Variants in TBC1D14 observed in about 807,000 individuals in gnomAD.
TBC1D14 encodes the protein TBC1 domain family member 14.
A neutral mutation model predicts 79.0 loss-of-function variants in TBC1D14; 26 were observed. That is an observed-to-expected ratio of 0.33 (90% CI 0.24 to 0.46). The LOEUF is 0.46. TBC1D14 is among the 20% of genes least tolerant of loss of function. The probability of loss-of-function intolerance (pLI) is 1.00; values close to 1 mark genes in which losing one functional copy is unlikely to be tolerated. For synonymous variants in TBC1D14, 394 were observed against 349.9 expected (o/e 1.13, Z -1.40); for missense variants, 769 against 887.6 (o/e 0.87, Z 1.70).
chr4:7,029,750 G>A (rs555783536), intron 13 of TBC1D14, among the ~76,000 whole-genome samples: 6 of 152,304 alleles, frequency 3.9e-5, no homozygotes, highest in Non-Finnish European at 5.9e-5. Context: ...TCTTGAACCC[G>A]GGGGTCAGAG....
At position 6,954,222 on chromosome 4, in the gene TBC1D14, C is replaced by G. The variant is rs1577079611; in HGVS notation, c.723-13082C>G. 4.2e-6 allele frequency: 3 copies of G among 711,924 alleles called. No individual in the cohort carries two copies. In the African/African-American group the frequency reaches 5.2e-5, roughly 12 times the overall value. The allele number at this position is 711,924 out of a possible 1,614,324, so 44.1% of individuals were successfully genotyped here. A position where few individuals can be genotyped will look rare whatever the true frequency, so the allele number is the denominator to read the frequency against. Reference sequence around the variant, plus strand: ...ATGGAGTTTCCCCGGGACTGTGGCTCTGGCGTGCCAGGAATGCGGCACGGG... The same window carrying G: ...ATGGAGTTTCCCCGGGACTGTGGCTGTGGCGTGCCAGGAATGCGGCACGGG... On this transcript the variant is annotated intron_variant, in intron 2 of 13. Coordinates refer to ENST00000409757, the MANE Select transcript of TBC1D14 (RefSeq NM_020773.3).
In TBC1D14 at chr4:7,025,199, C is replaced by T. The variant is rs199680280; in HGVS notation, c.1953C>T (p.Ala651=). Residue 651 remains alanine (A), a synonymous_variant, in exon 13 of 14, where the codon GCC becomes GCT. Transcript: ENST00000409757. ...FLTRLPEDLP[A]EELFASIATI... ...CCCGGCTGCCCGAGGACCTGCCCGC[C>T]GAGGAGCTGTTTGCCTCCATCGCCA... 1.1e-5 allele frequency: 18 copies of T among 1,614,208 alleles called. No homozygotes were observed. Among genetic ancestry groups the T allele is most frequent in the East Asian group, 6.7e-5 (3 of 44,882 alleles).
At position 6,987,658 on chromosome 4, in the gene TBC1D14, C is replaced by T. The variant is rs2109122525; in HGVS notation, c.844-6526C>T. On this transcript the variant is annotated intron_variant, in intron 3 of 13. Coordinates refer to ENST00000409757, the MANE Select transcript of TBC1D14 (RefSeq NM_020773.3). ...CGTGAGCGAGCACGTCCTTTGAGTC[C>T]TCCTTACCCTGTTTTCAGAGCCGGG... 5 of 344,808 alleles carry T rather than the reference C, an allele frequency of 1.5e-5. No individual in the cohort carries two copies. The East Asian group carries it at 2.2e-4, about 15-fold the overall frequency. 21.4% of individuals were successfully genotyped at this position (344,808 alleles called of 1,614,324 possible). A position where few individuals can be genotyped will look rare whatever the true frequency, so the allele number is the denominator to read the frequency against.
chr4:6,939,643 C>A (rs887825965), intron 2 of TBC1D14, among the ~76,000 whole-genome samples: 33 of 151,840 alleles, frequency 2.2e-4, no homozygotes, highest in Middle Eastern at 3.4e-3. Context: ...AATCAAAGCA[C>A]CCAACGGCAA....
chr4:6,942,668 T>C (rs1482177923), intron 2 of TBC1D14, among the ~76,000 whole-genome samples: 1 of 152,150 alleles, frequency 6.6e-6, no homozygotes, highest in Non-Finnish European at 1.5e-5. Context: ...TTTTCTGTGG[T>C]GGGAGGAGTG....
At chr4:6,931,194 C>T (rs539088809) in intron 2 of TBC1D14, among the ~76,000 whole-genome samples, 5 of 152,298 alleles carry the variant, frequency 3.3e-5, no homozygotes, top group South Asian at 4.1e-4. Context: ...CCACCACGCC[C>T]GGCCTCACTC....
chr4:6,937,893 G>A (rs550043290), intron 2 of TBC1D14, among the ~76,000 whole-genome samples: 2 of 152,282 alleles, frequency 1.3e-5, no homozygotes, highest in East Asian at 3.9e-4. Context: ...ACAGCCGGCT[G>A]GGAGTGGAAC....
intron 3 of TBC1D14, among the ~76,000 whole-genome samples, chr4:6,993,181 A>G (rs538242826): frequency 3.9e-5 from 6 of 152,344 alleles, no homozygotes; most frequent in South Asian, 2.1e-4. Flanking sequence ...TCTTTGTCCT[A>G]TCTTCTCAAT....
chr4:6,948,609 G>A lies in TBC1D14; in HGVS notation c.723-18695G>A, dbSNP rs149244590. On this transcript the variant is annotated intron_variant, in intron 2 of 13. Transcript: ENST00000409757. ...TGGGTCTCCCGTGGGTCCCACTCGC[G>A]GTGTGTGGTGATGCCGGCTGCTCTT... is the stretch of plus-strand genomic sequence containing the variant. Among the ~76,000 whole-genome samples, 637 of 152,186 alleles carry A rather than the reference G, an allele frequency of 4.2e-3. 5 individuals carry two copies. The highest frequency in any genetic ancestry group is 0.014 in the African/African-American group (583 of 41,510).
chr4:6,960,247 AT>A (rs912173712), intron 2 of TBC1D14, among the ~76,000 whole-genome samples: 1,801 of 130,186 alleles, frequency 0.014, 23 homozygotes, highest in Non-Finnish European at 0.012. Flanking sequence ...ATGCCTGGCT[AT>A]TTTTTTTTTT....
intron 2 of TBC1D14, among the ~76,000 whole-genome samples, chr4:6,952,333 A>G (rs921664998): frequency 1.3e-5 from 2 of 152,218 alleles, no homozygotes; most frequent in Non-Finnish European, 2.9e-5. Context: ...CTGCTGGTCC[A>G]GATTCCCCAC....
chr4:6,971,061 G>A (rs1365343700), intron 3 of TBC1D14, among the ~76,000 whole-genome samples: 1 of 150,822 alleles, frequency 6.6e-6, no homozygotes, highest in Non-Finnish European at 1.5e-5. Context: ...GTTCACACTG[G>A]CCAGGAGCTT....
At chr4:6,951,411 A>G (rs376841907) in intron 2 of TBC1D14, among the ~76,000 whole-genome samples, 1 of 152,194 alleles carries the variant, frequency 6.6e-6, no homozygotes, top group African/African-American at 2.4e-5. Context: ...GTAGCCTGCA[A>G]TCCCACCTAC....
Position 6,967,289 on chromosome 4 carries a change from A to T in TBC1D14, c.723-15A>T, listed in dbSNP as rs1560290383. The T allele has an allele frequency of 6.2e-7, 1 of 1,612,494 alleles. No homozygotes were observed. The highest frequency in any genetic ancestry group is 1.1e-5 in the South Asian group (1 of 91,030). On this transcript the variant is annotated splice_polypyrimidine_tract_variant and intron_variant, in intron 2 of 13. Transcript: ENST00000409757. ...TACCCAGAAATGCCCTAACCTTGTT[A>T]TTTTCTTCCTATAGGAACTTGCTTG...
intron 3 of TBC1D14, among the ~76,000 whole-genome samples, chr4:6,975,790 C>A (rs528494984): frequency 1.3e-5 from 2 of 152,108 alleles, no homozygotes; most frequent in East Asian, 3.9e-4. Context: ...ATTTTAAGAT[C>A]AATAGAAATT....
At chr4:6,983,744 G>T (rs1717581541) in intron 3 of TBC1D14, among the ~76,000 whole-genome samples, 1 of 152,206 alleles carries the variant, frequency 6.6e-6, no homozygotes, top group Non-Finnish European at 1.5e-5. Context: ...CAGCATGGTT[G>T]TTTAATTTGC....
At chr4:7,013,775 G>A (rs773780252) in intron 11 of TBC1D14, among the ~76,000 whole-genome samples, 11 of 149,292 alleles carry the variant, frequency 7.4e-5, no homozygotes, top group African/African-American at 1.2e-4. Flanking sequence ...ATGGAGTCTC[G>A]CTGTGTCGCC....
chr4:6,926,437 C>T (rs1037857281), intron 2 of TBC1D14, among the ~76,000 whole-genome samples: 10 of 152,172 alleles, frequency 6.6e-5, no homozygotes, highest in Non-Finnish European at 1.0e-4. Context: ...CTAAAGCTAC[C>T]GTTTCTTGGA....
intron 1 of TBC1D14, among the ~76,000 whole-genome samples, chr4:6,918,971 C>T (rs766431096): frequency 4.6e-5 from 7 of 152,138 alleles, no homozygotes; most frequent in African/African-American, 4.8e-5. Flanking sequence ...CACAGAGGGT[C>T]TGCAGTAGCC....
Sources: gnomAD v4.1 joint callset for allele counts (sites outside exome capture counted in the v4.1 genomes callset) on GRCh38, gnomAD v4.1.1 for gene constraint, MANE v1.5 for transcripts, NCBI Gene and HGNC (gene_info 2026-07-23, HGNC 2026-07-21) for gene names.